The following PTPRN2 variants were observed in gnomAD, a reference collection of about 807,000 sequenced individuals.
PTPRN2 encodes the protein protein tyrosine phosphatase receptor type N2.
PTPRN2 carries 74 observed loss-of-function variants against 118.8 expected under a neutral mutation model. The observed-to-expected ratio is 0.62, with a 90% confidence interval of 0.52 to 0.76. PTPRN2 has a LOEUF of 0.76. PTPRN2 is among the 30% of genes least tolerant of loss of function. The pLI is 0.00. For missense variants in PTPRN2, 1,481 were observed against 1,394.4 expected (o/e 1.06, Z -0.99); for synonymous variants, 641 against 608.0 (o/e 1.05, Z -0.80).
At chr7:158,316,648 G>C (rs930519213) in intron 3 of PTPRN2, among the ~76,000 whole-genome samples, 171 bp downstream of exon 3, 1 of 152,288 alleles carries the variant, frequency 6.6e-6, no homozygotes, top group East Asian at 1.9e-4. Context: ...AGGAACGGAC[G>C]ATCCCAGTAG....
chr7:157,909,541 C>T (rs1384485979), intron 11 of PTPRN2, among the ~76,000 whole-genome samples: 1 of 152,258 alleles, frequency 6.6e-6, no homozygotes, highest in African/African-American at 2.4e-5. Context: ...ACATCACCTC[C>T]AACAGCCCCC....
chr7:157,957,189 A>G (rs967685145), intron 11 of PTPRN2, among the ~76,000 whole-genome samples: 1 of 152,216 alleles, frequency 6.6e-6, no homozygotes, highest in South Asian at 2.1e-4. Flanking sequence ...ACCCAAGGTG[A>G]CTATAAGTCC....
At chr7:158,257,284 T>C (rs755229474) in intron 3 of PTPRN2, among the ~76,000 whole-genome samples, 3 of 151,994 alleles carry the variant, frequency 2.0e-5, no homozygotes, top group African/African-American at 7.3e-5. Context: ...CAGAAACCTG[T>C]GGCGTGTTTC....
chr7:158,480,924 A>G (rs1327965016), intron 2 of PTPRN2, among the ~76,000 whole-genome samples: 1 of 152,262 alleles, frequency 6.6e-6, no homozygotes, highest in African/African-American at 2.4e-5. Flanking sequence ...GTGCAGCAGC[A>G]AGTGCTGATG....
chr7:158,345,373 AGCGTGTTCTTATAGGAG>A (rs1480698533), intron 2 of PTPRN2, among the ~76,000 whole-genome samples: 1 of 152,216 alleles, frequency 6.6e-6, no homozygotes, highest in Non-Finnish European at 1.5e-5. Context: ...GTCTGGAGAC[AGCGTGTTCTTATAGGAG>A]GCCACAGAGG....
intron 2 of PTPRN2, among the ~76,000 whole-genome samples, chr7:158,362,193 A>G (rs1586461002): frequency 6.6e-6 from 1 of 152,000 alleles, no homozygotes; most frequent in African/African-American, 2.4e-5. Flanking sequence ...AGCTCTCCTA[A>G]CTCAGCTCTG....
intron 12 of PTPRN2, among the ~76,000 whole-genome samples, chr7:157,795,104 TG>T (rs1001834884): frequency 7.6e-5 from 9 of 118,914 alleles, no homozygotes; most frequent in African/African-American, 2.9e-4. Flanking sequence ...GGGAGGCTCC[TG>T]GGGCTCAAGC....
chr7:157,846,952 G>A (rs1387186785), intron 12 of PTPRN2, among the ~76,000 whole-genome samples: 1 of 150,426 alleles, frequency 6.6e-6, no homozygotes, highest in African/African-American at 2.5e-5. Flanking sequence ...TCCTTCATGT[G>A]TGCCCAATGT....
chr7:158,044,741 T>A (rs7807133), intron 11 of PTPRN2, among the ~76,000 whole-genome samples: 85,184 of 152,002 alleles, frequency 0.56, 24,919 homozygotes, highest in African/African-American at 0.67. Flanking sequence ...AGGGCTCAAG[T>A]GGCCCAGGTT....
chr7:158,024,969 C>T (rs1280055930), intron 11 of PTPRN2, among the ~76,000 whole-genome samples: 1 of 152,116 alleles, frequency 6.6e-6, no homozygotes, highest in African/African-American at 2.4e-5. Flanking sequence ...TCCTTGTCTG[C>T]TTGATTGTGG....
intron 9 of PTPRN2, among the ~76,000 whole-genome samples, chr7:158,133,158 A>G (rs755697123): frequency 3.3e-5 from 5 of 152,228 alleles, no homozygotes; most frequent in Non-Finnish European, 5.9e-5. Flanking sequence ...CGCCCACGCC[A>G]GGATATTTGG....
intron 10 of PTPRN2, among the ~76,000 whole-genome samples, chr7:158,107,662 T>C (rs1256346129): frequency 6.6e-6 from 1 of 152,136 alleles, no homozygotes. Context: ...TCTACCCTCA[T>C]CCTTGAAGCT....
chr7:158,151,771 C>A (rs1041798050), intron 6 of PTPRN2, among the ~76,000 whole-genome samples: 2 of 152,188 alleles, frequency 1.3e-5, no homozygotes, highest in Non-Finnish European at 2.9e-5. Context: ...ATTTACTGCA[C>A]ATCTCCTTTG....
At chr7:158,064,792 C>T (rs1810629630) in intron 11 of PTPRN2, among the ~76,000 whole-genome samples, 1 of 152,116 alleles carries the variant, frequency 6.6e-6, no homozygotes, top group African/African-American at 2.4e-5. Context: ...CCTGGCTCAA[C>T]CCCATTCTCC....
At chr7:158,202,229 G>A (rs935576571) in intron 4 of PTPRN2, among the ~76,000 whole-genome samples, 1 of 152,042 alleles carries the variant, frequency 6.6e-6, no homozygotes, top group African/African-American at 2.4e-5. Flanking sequence ...AGAAATGTTA[G>A]GAAAAAAAGA....
chr7:158,375,237 A>G (rs4909076), intron 2 of PTPRN2, among the ~76,000 whole-genome samples: 149,166 of 152,340 alleles, frequency 0.98, 73,041 homozygotes, highest in East Asian at 1. Context: ...ATACCAGGCA[A>G]GTGCCCACAG....
chr7:158,028,164 C>T (rs142633229), intron 11 of PTPRN2: 12 of 152,352 alleles, frequency 7.9e-5, no homozygotes, highest in African/African-American at 2.2e-4. Flanking sequence ...GCTGTTGTCT[C>T]CTCTCCAGCT....
intron 3 of PTPRN2, among the ~76,000 whole-genome samples, chr7:158,237,774 G>A (rs867798312): frequency 1.3e-5 from 2 of 152,072 alleles, no homozygotes. Flanking sequence ...CCACTTCGCC[G>A]CCACCCATGC....
At chr7:158,176,725 G>C (rs1269214276) in intron 5 of PTPRN2, among the ~76,000 whole-genome samples, 1 of 152,244 alleles carries the variant, frequency 6.6e-6, no homozygotes, top group Non-Finnish European at 1.5e-5. Context: ...GCTGGGAGCA[G>C]AACACCATGC....
Sources: allele counts gnomAD v4.1 joint callset (sites outside exome capture counted in the v4.1 genomes callset), GRCh38; gene constraint gnomAD v4.1.1; transcripts MANE v1.5; gene names NCBI Gene and HGNC (gene_info 2026-07-23, HGNC 2026-07-21).